The following NEK11 variants were observed in gnomAD, a reference collection of about 807,000 sequenced individuals.
NEK11 encodes the protein NIMA related kinase 11, also known as serine/threonine-protein kinase Nek11.
In NEK11, 72 loss-of-function variants were observed where a neutral mutation model predicts 80.7. That is an observed-to-expected ratio of 0.89 (90% CI 0.74 to 1.08). The LOEUF is 1.08. Ranked by LOEUF, NEK11 falls within the 50% of genes least tolerant of loss-of-function variation. NEK11 has a pLI of 0.00. For synonymous variants in NEK11, 251 were observed against 260.7 expected (o/e 0.96, Z 0.36); for missense variants, 764 against 763.6 (o/e 1.00, Z -0.01).
At chr3:131,180,369 A>G (rs1422411263) in intron 14 of NEK11, among the ~76,000 whole-genome samples, 1 of 152,186 alleles carries the variant, frequency 6.6e-6, no homozygotes, top group Admixed American at 6.5e-5. Context: ...TAATTGAATC[A>G]TGTGAAATTT....
intron 17 of NEK11, among the ~76,000 whole-genome samples, chr3:131,337,478 G>A (rs1197266295): frequency 1.3e-5 from 2 of 151,132 alleles, no homozygotes; most frequent in Admixed American, 1.3e-4. Flanking sequence ...GGTGGGGGGA[G>A]TGGGGAGGGA....
chr3:131,132,635 G>A (rs1252870769), intron 5 of NEK11, 110 bp from the exon 6 acceptor site: 1 of 605,766 alleles, frequency 1.7e-6, no homozygotes, highest in Non-Finnish European at 2.9e-6. Context: ...ATATATCTAT[G>A]GGAGTATATA....
intron 16 of NEK11, among the ~76,000 whole-genome samples, chr3:131,270,411 G>T (rs2096159273): frequency 6.6e-6 from 1 of 152,118 alleles, no homozygotes; most frequent in Non-Finnish European, 1.5e-5. Flanking sequence ...AGAAGAATCT[G>T]CATTTTAACA....
chr3:131,239,008 C>A (rs898680546), intron 15 of NEK11, among the ~76,000 whole-genome samples: 11 of 151,816 alleles, frequency 7.2e-5, no homozygotes, highest in Non-Finnish European at 1.3e-4. Context: ...GATAGATGAG[C>A]TCTATAGGTC....
chr3:131,121,961 C>T (rs937215533), intron 5 of NEK11, among the ~76,000 whole-genome samples: 1 of 152,232 alleles, frequency 6.6e-6, no homozygotes, highest in Admixed American at 6.5e-5. Context: ...CGCCCTGCTT[C>T]AGCTCACGCT....
intron 10 of NEK11, 30 bp from the exon 11 acceptor site, chr3:131,162,378 C>T (rs1246864250): frequency 1.2e-6 from 2 of 1,608,998 alleles, no homozygotes; most frequent in East Asian, 4.5e-5. Flanking sequence ...TTGGGATGGG[C>T]TATATGAGGG....
chr3:131,306,665 TAAG>T (rs1178491616), intron 17 of NEK11, among the ~76,000 whole-genome samples: 3 of 152,346 alleles, frequency 2.0e-5, no homozygotes, highest in South Asian at 2.1e-4. Flanking sequence ...CAAGGCTTGC[TAAG>T]AAGAACAGAG....
At chr3:131,307,613 G>C (rs921122013) in intron 17 of NEK11, among the ~76,000 whole-genome samples, 1 of 152,166 alleles carries the variant, frequency 6.6e-6, no homozygotes, top group Non-Finnish European at 1.5e-5. Context: ...GCTGACCATA[G>C]TTGTTGTGTG....
intron 17 of NEK11, among the ~76,000 whole-genome samples, chr3:131,315,695 G>C (rs2096831611): frequency 6.6e-6 from 1 of 151,796 alleles, no homozygotes; most frequent in Non-Finnish European, 1.5e-5. Context: ...TATTTTTCCT[G>C]ATGCTATCCC....
intron 17 of NEK11, among the ~76,000 whole-genome samples, chr3:131,341,554 C>T (rs376467361): frequency 6.6e-6 from 1 of 152,154 alleles, no homozygotes; most frequent in South Asian, 2.1e-4. Flanking sequence ...TATTTTCTAT[C>T]ATTACTAATA....
At position 131,339,304 on chromosome 3, in the gene NEK11, G is replaced by C. The variant is rs527473917; in HGVS notation, c.1719-10253G>C. ...CTATAAGCAAAGAATGTCTTCCTGAGCTCTCACTTATAATTGAACATTTAG... is the reference window on the plus strand; with the variant it reads ...CTATAAGCAAAGAATGTCTTCCTGACCTCTCACTTATAATTGAACATTTAG... On this transcript the variant is annotated intron_variant, in intron 17 of 17. Coordinates refer to ENST00000383366, the MANE Select transcript of NEK11 (RefSeq NM_024800.5). 3.3e-5 allele frequency among the ~76,000 whole-genome samples: 5 copies of C among 152,154 alleles called. No homozygotes were observed. The South Asian group carries it at 1.0e-3, about 32-fold the overall frequency.
At chr3:131,143,339 T>C (rs1156447617) in intron 7 of NEK11, among the ~76,000 whole-genome samples, 3 of 152,166 alleles carry the variant, frequency 2.0e-5, no homozygotes, top group African/African-American at 7.2e-5. Flanking sequence ...CCTTGATCAC[T>C]CCATTGCTTC....
chr3:131,274,957 C>T (rs1231600991), intron 17 of NEK11, among the ~76,000 whole-genome samples: 3 of 152,036 alleles, frequency 2.0e-5, no homozygotes, highest in African/African-American at 7.2e-5. Flanking sequence ...CCGGCCGTTT[C>T]CTGACTTTTT....
Position 131,109,827 on chromosome 3 carries a change from C to A in NEK11, c.361C>A (p.Gln121Lys). 1 of 1,601,580 alleles carries A rather than the reference C, an allele frequency of 6.2e-7. No homozygotes were observed. Among genetic ancestry groups the A allele is most frequent in the Non-Finnish European group, 8.5e-7 (1 of 1,176,122 alleles). The part of the protein sequence containing the change: ...CEGRDLDDKI[Q>K]EYKQAGKIFP... ...GGGCCGAGATCTGGACGATAAAATT[C>A]AGGAATATAAACAAGCTGGAAAAAT... The change falls in exon 5 of 18, where the codon CAG (glutamine) becomes AAG (lysine). Residue 121 changes from glutamine (Q) to lysine (K), a missense_variant. Gln to Lys is a moderately conservative substitution (Grantham distance 53). Transcript: ENST00000383366.
chr3:131,122,792 C>CTGT, intron 5 of NEK11, among the ~76,000 whole-genome samples: 2 of 152,300 alleles, frequency 1.3e-5, no homozygotes, highest in South Asian at 4.1e-4. Context: ...CCTCCACAGA[C>CTGT]TGTTCTTCAT....
chr3:131,030,001 T>C, intron 3 of NEK11, 123 bp downstream of exon 3: 1 of 837,282 alleles, frequency 1.2e-6, no homozygotes, highest in Non-Finnish European at 1.9e-6. Context: ...GCACTGTGGG[T>C]GGCCAAGGTT....
At chr3:131,216,084 G>T (rs2094824322) in intron 14 of NEK11, among the ~76,000 whole-genome samples, 1 of 152,108 alleles carries the variant, frequency 6.6e-6, no homozygotes, top group Non-Finnish European at 1.5e-5. Flanking sequence ...ACCATATTAG[G>T]TCAATTCTAA....
At chr3:131,198,875 G>C (rs778886273) in intron 14 of NEK11, among the ~76,000 whole-genome samples, 42 of 152,090 alleles carry the variant, frequency 2.8e-4, no homozygotes, top group Non-Finnish European at 4.0e-4. Flanking sequence ...TAATGTTCTG[G>C]CTATTTCGCC....
At chr3:131,122,929 A>G (rs989410652) in intron 5 of NEK11, among the ~76,000 whole-genome samples, 3 of 152,238 alleles carry the variant, frequency 2.0e-5, no homozygotes, top group African/African-American at 7.2e-5. Flanking sequence ...GTCATGAAAC[A>G]TAGAAATGAG....
Sources: gnomAD v4.1 joint callset for allele counts (sites outside exome capture counted in the v4.1 genomes callset) on GRCh38, gnomAD v4.1.1 for gene constraint, MANE v1.5 for transcripts, NCBI Gene and HGNC (gene_info 2026-07-23, HGNC 2026-07-21) for gene names.